Variants in TMEM178A observed in about 807,000 individuals in gnomAD.
TMEM178A encodes transmembrane protein 178A, also known as transmembrane protein 178.
In TMEM178A, 12 loss-of-function variants were observed where a neutral mutation model predicts 29.1. That is an observed-to-expected ratio of 0.41 (90% CI 0.26 to 0.67). The LOEUF is 0.67. Ranked by LOEUF, TMEM178A falls within the 30% of genes least tolerant of loss-of-function variation. The pLI is 0.29. For missense variants in TMEM178A, 366 were observed against 419.1 expected (o/e 0.87, Z 1.11); for synonymous variants, 210 against 187.2 (o/e 1.12, Z -0.99).
In TMEM178A at chr2:39,717,460, G is replaced by A. The variant is rs764366303; in HGVS notation, c.*209G>A. ...CAAGTGCTTTAATGACTATTTATGC[G>A]TTGACTGTGAGAATAGGGAGCAGTG... On this transcript the variant is annotated 3_prime_UTR_variant, in exon 4 of 4. Coordinates refer to ENST00000281961, the MANE Select transcript of TMEM178A (RefSeq NM_152390.3). The A allele has an allele frequency of 2.1e-5, 12 of 577,636 alleles. No homozygotes were observed. Among genetic ancestry groups the A allele is most frequent in the African/African-American group, 5.6e-5 (3 of 53,544 alleles). 35.8% of individuals were successfully genotyped at this position (577,636 alleles called of 1,614,324 possible). A position where few individuals can be genotyped will look rare whatever the true frequency, so the allele number is the denominator to read the frequency against.
intron 1 of TMEM178A, among the ~76,000 whole-genome samples, chr2:39,694,161 G>A (rs199915086): frequency 4.1e-5 from 6 of 146,712 alleles, no homozygotes; most frequent in Non-Finnish European, 7.5e-5. Context: ...AGTAGTAGTA[G>A]TAATAATAAT....
chr2:39,712,083 G>A (rs2540239), intron 3 of TMEM178A, among the ~76,000 whole-genome samples: 3,819 of 148,070 alleles, frequency 0.026, 180 homozygotes, highest in African/African-American at 0.089. Context: ...GTGTGTAAGA[G>A]TTTCTTTCTC....
chr2:39,665,989 G>C lies in TMEM178A; in HGVS notation c.15G>C (p.Ala5=), dbSNP rs1348914753. The part of the protein sequence containing the change: MEPR[A]LVTALSLGLS... ...GGCGGGAAGCCATGGAGCCGCGGGC[G>C]CTCGTCACGGCGCTCAGCCTCGGCC... Residue 5 remains alanine (A), a synonymous_variant, in exon 1 of 4, where the codon GCG becomes GCC. Coordinates refer to ENST00000281961, the MANE Select transcript of TMEM178A (RefSeq NM_152390.3). 1.4e-6 allele frequency: 2 copies of C among 1,408,848 alleles called. No individual in the cohort carries two copies. The highest frequency in any genetic ancestry group is 1.8e-6 in the Non-Finnish European group (2 of 1,083,216). The allele number at this position is 1,408,848 out of a possible 1,614,324, so 87.3% of individuals were successfully genotyped here. A position where few individuals can be genotyped will look rare whatever the true frequency, so the allele number is the denominator to read the frequency against.
intron 2 of TMEM178A, among the ~76,000 whole-genome samples, chr2:39,706,516 T>A (rs540668264): frequency 6.6e-6 from 1 of 152,358 alleles, no homozygotes; most frequent in South Asian, 2.1e-4. Flanking sequence ...AAGTAAATAA[T>A]TGGCATCTGT....
intron 1 of TMEM178A, among the ~76,000 whole-genome samples, chr2:39,674,815 C>T (rs1282110951): frequency 6.6e-6 from 1 of 152,160 alleles, no homozygotes; most frequent in East Asian, 1.9e-4. Flanking sequence ...GTCTTGTATT[C>T]CTTTCTCTCT....
Position 39,703,296 on chromosome 2 carries a change from G to A in TMEM178A, c.401-785G>A, listed in dbSNP as rs952613917. 2.0e-5 allele frequency among the ~76,000 whole-genome samples: 3 copies of A among 152,086 alleles called. 1 individual carries two copies. The highest frequency in any genetic ancestry group is 7.2e-5 in the African/African-American group (3 of 41,396). Reference sequence around the variant, plus strand: ...TTAAGACAGAGTAGATACTTTTCATGAAATTCAGAAGCCTCTAGGAGAAGA... The same window carrying A: ...TTAAGACAGAGTAGATACTTTTCATAAAATTCAGAAGCCTCTAGGAGAAGA... On this transcript the variant is annotated intron_variant, in intron 1 of 3. Coordinates refer to ENST00000281961, the MANE Select transcript of TMEM178A (RefSeq NM_152390.3).
At chr2:39,692,136 T>C (rs1671340532) in intron 1 of TMEM178A, among the ~76,000 whole-genome samples, 1 of 152,148 alleles carries the variant, frequency 6.6e-6, no homozygotes, top group African/African-American at 2.4e-5. Flanking sequence ...AGAATGGTGG[T>C]TACCAGAGGG....
At position 39,686,229 on chromosome 2, in the gene TMEM178A, C is replaced by G. The variant is rs114298249; in HGVS notation, c.401-17852C>G. ...AGAGGTGGGCTTTCTACTCCTAGCC[C>G]AAGGCTCTTTAGTTACCCTTGAGGA... On this transcript the variant is annotated intron_variant, in intron 1 of 3. Coordinates refer to ENST00000281961, the MANE Select transcript of TMEM178A (RefSeq NM_152390.3). Among the ~76,000 whole-genome samples, 893 of 152,214 alleles carry G rather than the reference C, an allele frequency of 5.9e-3. 6 individuals are homozygous for G. Among genetic ancestry groups the G allele is most frequent in the African/African-American group, 0.019 (809 of 41,536 alleles).
At chr2:39,693,839 T>C (rs867083297) in intron 1 of TMEM178A, among the ~76,000 whole-genome samples, 2 of 152,302 alleles carry the variant, frequency 1.3e-5, no homozygotes, top group Middle Eastern at 6.8e-3. Flanking sequence ...ATATAATAAG[T>C]ACATTAAAGG....
At chr2:39,685,287 A>T (rs2148071697) in intron 1 of TMEM178A, among the ~76,000 whole-genome samples, 1 of 152,158 alleles carries the variant, frequency 6.6e-6, no homozygotes, top group East Asian at 1.9e-4. Flanking sequence ...TCTCACCACA[A>T]AACCCTGTGC....
At chr2:39,704,999 T>C (rs894650024) in intron 2 of TMEM178A, among the ~76,000 whole-genome samples, 1 of 152,172 alleles carries the variant, frequency 6.6e-6, no homozygotes, top group South Asian at 2.1e-4. Flanking sequence ...CTCAAACACA[T>C]AAATGGAAGC....
chr2:39,704,902 G>T (rs1344480387), intron 2 of TMEM178A, among the ~76,000 whole-genome samples: 1 of 152,202 alleles, frequency 6.6e-6, no homozygotes, highest in Admixed American at 6.5e-5. Context: ...GATCTTGTTT[G>T]GTGGCCAAAG....
At chr2:39,691,451 GA>G (rs1243915159) in intron 1 of TMEM178A, among the ~76,000 whole-genome samples, 2 of 152,196 alleles carry the variant, frequency 1.3e-5, no homozygotes, top group African/African-American at 4.8e-5. Context: ...TTACTTTTTA[GA>G]GTGCCTGTTG....
chr2:39,671,283 G>T (rs1255552833), intron 1 of TMEM178A, among the ~76,000 whole-genome samples: 1 of 152,174 alleles, frequency 6.6e-6, no homozygotes, highest in African/African-American at 2.4e-5. Flanking sequence ...GAAATTAATA[G>T]TCTGCACAGG....
rs551518237 is a variant in TMEM178A at position 39,678,095 on chromosome 2, C to G, written c.400+11721C>G. 1.8e-4 allele frequency among the ~76,000 whole-genome samples: 27 copies of G among 152,276 alleles called. No individual in the cohort carries two copies. In the South Asian group the frequency reaches 3.5e-3, roughly 20 times the overall value. On this transcript the variant is annotated intron_variant, in intron 1 of 3. Coordinates refer to ENST00000281961, the MANE Select transcript of TMEM178A (RefSeq NM_152390.3). ...GAACCATCTCCATAGATCTTGTTTC[C>G]TTAAATATCCATTAGGTACATTTAG...
intron 1 of TMEM178A, among the ~76,000 whole-genome samples, chr2:39,686,840 G>A (rs558468516): frequency 2.6e-5 from 4 of 152,264 alleles, no homozygotes; most frequent in Admixed American, 6.5e-5. Flanking sequence ...GCCTAATGGC[G>A]CTTTTTTCCC....
chr2:39,667,210 G>C (rs1003692213), intron 1 of TMEM178A, among the ~76,000 whole-genome samples: 2 of 152,190 alleles, frequency 1.3e-5, no homozygotes, highest in African/African-American at 4.8e-5. Flanking sequence ...TCTGTCTTCT[G>C]TTCGTGGTAC....
intron 1 of TMEM178A, among the ~76,000 whole-genome samples, chr2:39,675,134 T>C (rs1670562506): frequency 6.6e-6 from 1 of 152,174 alleles, no homozygotes; most frequent in Non-Finnish European, 1.5e-5. Flanking sequence ...TTTTAATTTA[T>C]GAGACAGAAT....
At chr2:39,733,635 T>C in the TMEM178A span, among the ~76,000 whole-genome samples, 1 of 152,326 alleles carries the variant, frequency 6.6e-6, no homozygotes, top group African/African-American at 2.4e-5. Flanking sequence ...ATATAATGTC[T>C]TAACTGTGCC....
Sources: gnomAD v4.1 joint callset for allele counts (sites outside exome capture counted in the v4.1 genomes callset) on GRCh38, gnomAD v4.1.1 for gene constraint, MANE v1.5 for transcripts, NCBI Gene and HGNC (gene_info 2026-07-23, HGNC 2026-07-21) for gene names.